Variants in CUX1 observed in about 807,000 individuals in gnomAD.
The protein encoded by CUX1 is cut like homeobox 1.
Under a neutral mutation model 158.8 loss-of-function variants are expected in CUX1, and 31 were observed. That is an observed-to-expected ratio of 0.20 (90% confidence interval 0.15 to 0.26). The LOEUF (loss-of-function observed/expected upper bound fraction) is 0.26, where lower values mean the gene tolerates loss of function less well. Among genes scored for constraint, CUX1 ranks in the 10% least tolerant of loss-of-function variants. The pLI is 1.00. For synonymous variants in CUX1, 879 were observed against 862.1 expected (o/e 1.02, Z -0.34); for missense variants, 1,589 against 2,014.6 (o/e 0.79, Z 4.04).
Position 102,250,077 on chromosome 7 carries a change from AAAG to A in CUX1, c.*1037_*1039del. ...GAAAAAAAAAGAAAAAAAAAAAAGA[AAAG>A]ATCCGAATCTAGGTATTTTATAATC... On this transcript the variant is annotated 3_prime_UTR_variant, in exon 24 of 24. Coordinates refer to ENST00000292535, the MANE Select transcript of CUX1 (RefSeq NM_181552.4). 6.1e-6 allele frequency: 6 copies of A among 985,284 alleles called. No individual in the cohort carries two copies. Among genetic ancestry groups the A allele is most frequent in the African/African-American group, 1.7e-5 (1 of 57,342 alleles). 61.0% of individuals were successfully genotyped at this position (985,284 alleles called of 1,614,324 possible).
intron 20 of CUX1, among the ~76,000 whole-genome samples, chr7:102,209,962 A>G (rs1384219731): frequency 2.6e-5 from 4 of 152,072 alleles, no homozygotes; most frequent in African/African-American, 9.7e-5. Context: ...TCACAGCTCA[A>G]TACAGCCTCA....
rs1193952295 is a variant in CUX1 at position 101,895,902 on chromosome 7, G to GTTTT, written c.31-20211_31-20208dup. On this transcript the variant is annotated intron_variant, in intron 1 of 23. Transcript: ENST00000292535. ...GTATCACCTGTAAAGTTTTTTTTTT[G>GTTTT]TTTTTGTTTTTTTTTTTTTTTTTTG... is the stretch of plus-strand genomic sequence containing the variant. Among the ~76,000 whole-genome samples, 192 of 40,276 alleles carry GTTTT rather than the reference G, an allele frequency of 4.8e-3. 1 individual carries two copies. The highest frequency in any genetic ancestry group is 0.018 in the African/African-American group (140 of 7,776). The allele number at this position is 40,276 out of a possible 152,430, so 26.4% of individuals were successfully genotyped here.
chr7:101,997,854 C>G (rs1193887284), intron 2 of CUX1, among the ~76,000 whole-genome samples: 1 of 152,068 alleles, frequency 6.6e-6, no homozygotes, highest in Admixed American at 6.5e-5. Flanking sequence ...AGAGCTTTCA[C>G]TGTTGGATAA....
chr7:102,051,368 C>T (rs1823472597), intron 3 of CUX1, among the ~76,000 whole-genome samples: 1 of 151,878 alleles, frequency 6.6e-6, no homozygotes, highest in Admixed American at 6.6e-5. Flanking sequence ...AAAAATAGGG[C>T]CGGGCGCAGT....
intron 1 of CUX1, among the ~76,000 whole-genome samples, chr7:101,819,620 A>G (rs1391288926): frequency 6.6e-6 from 1 of 152,036 alleles, no homozygotes; most frequent in East Asian, 1.9e-4. Context: ...CCCATCTAGT[A>G]CCCTTTATAA....
At chr7:102,110,579 G>C (rs1354721159) in intron 6 of CUX1, among the ~76,000 whole-genome samples, 4 of 152,122 alleles carry the variant, frequency 2.6e-5, no homozygotes, top group African/African-American at 9.7e-5. Flanking sequence ...TTACACTATA[G>C]TGTGTTACGT....
chr7:102,179,798 C>T (rs1036449533), intron 11 of CUX1, among the ~76,000 whole-genome samples: 1 of 152,236 alleles, frequency 6.6e-6, no homozygotes, highest in South Asian at 2.1e-4. Flanking sequence ...GGGCTTCAGC[C>T]CCAGGCCAGG....
chr7:102,217,338 GA>G (rs1797332332), intron 20 of CUX1, among the ~76,000 whole-genome samples: 1 of 152,256 alleles, frequency 6.6e-6, no homozygotes, highest in Non-Finnish European at 1.5e-5. Context: ...AGCCCAGAGG[GA>G]AAGTGACTTT....
At chr7:102,098,881 G>T (rs554774957) in intron 5 of CUX1, among the ~76,000 whole-genome samples, 4 of 132,204 alleles carry the variant, frequency 3.0e-5, no homozygotes, top group African/African-American at 1.2e-4. Context: ...GGATGGTCTC[G>T]ATCTCCTGAC....
rs577141037 is a variant in CUX1, at chr7:102,022,439, G to A, written c.142-5659G>A. Among the ~76,000 whole-genome samples the A allele has an allele frequency of 1.1e-3, 171 of 152,096 alleles. 1 individual carries two copies. Among genetic ancestry groups the A allele is most frequent in the African/African-American group, 3.7e-3 (153 of 41,494 alleles). The stretch of plus-strand genomic sequence containing the variant: ...TTGAAATCAGCCTGGGCAACATGGC[G>A]AAACCCCGTCTCTACAAAAAATGCA... On this transcript the variant is annotated intron_variant, in intron 2 of 23. Coordinates refer to ENST00000292535, the MANE Select transcript of CUX1 (RefSeq NM_181552.4).
intron 14 of CUX1, among the ~76,000 whole-genome samples, chr7:102,264,206 G>A (rs868958424): frequency 1.8e-4 from 26 of 147,442 alleles, no homozygotes; most frequent in Admixed American, 1.0e-3. Flanking sequence ...GGGTTTCACC[G>A]TCTTGGCCAG....
chr7:102,036,084 G>C (rs1821393512), intron 3 of CUX1, among the ~76,000 whole-genome samples: 1 of 152,010 alleles, frequency 6.6e-6, no homozygotes, highest in African/African-American at 2.4e-5. Context: ...TTACATTTGT[G>C]TAATCCCAAG....
intron 3 of CUX1, among the ~76,000 whole-genome samples, chr7:102,053,203 T>A (rs1823737611): frequency 6.6e-6 from 1 of 152,222 alleles, no homozygotes; most frequent in Non-Finnish European, 1.5e-5. Flanking sequence ...GTATTGGCAT[T>A]GAGCATCTTT....
chr7:101,883,082 ACT>A (rs1410620092), intron 1 of CUX1, among the ~76,000 whole-genome samples: 1 of 150,216 alleles, frequency 6.7e-6, no homozygotes, highest in Non-Finnish European at 1.5e-5. Context: ...AAACGCTAAC[ACT>A]CTTGGCTCGG....
intron 3 of CUX1, among the ~76,000 whole-genome samples, chr7:102,055,842 G>A (rs6959393): frequency 1.3e-5 from 2 of 152,202 alleles, no homozygotes; most frequent in Non-Finnish European, 2.9e-5. Flanking sequence ...CCAGTCATTA[G>A]TGCAAAGGAA....
chr7:101,887,878 T>C (rs1258328178), intron 1 of CUX1, among the ~76,000 whole-genome samples: 1 of 150,244 alleles, frequency 6.7e-6, no homozygotes, highest in Non-Finnish European at 1.5e-5. Context: ...TAGAAGCTTA[T>C]GATTCATCGG....
At chr7:102,028,866 T>G (rs998996809) in intron 3 of CUX1, among the ~76,000 whole-genome samples, 7 of 152,012 alleles carry the variant, frequency 4.6e-5, no homozygotes, top group Admixed American at 2.0e-4. Flanking sequence ...ATTTATTGAA[T>G]CTCACCTCTT....
In CUX1 at chr7:102,016,358, A is replaced by AC. The variant is rs1212798870; in HGVS notation, c.142-11739dup. Among the ~76,000 whole-genome samples the AC allele has an allele frequency of 2.6e-5, 4 of 152,326 alleles. No individual in the cohort carries two copies. In the South Asian group the frequency reaches 8.3e-4, roughly 32 times the overall value. ...TGACTCATGTCTCACCTGCCACACAACAGAGGCCCAGGAGGCACAGCAGCC... is the reference window on the plus strand; with the variant it reads ...TGACTCATGTCTCACCTGCCACACAACCAGAGGCCCAGGAGGCACAGCAGCC... On this transcript the variant is annotated intron_variant, in intron 2 of 23. Transcript: ENST00000292535.
intron 2 of CUX1, among the ~76,000 whole-genome samples, chr7:101,968,341 G>A (rs1811481712): frequency 6.6e-6 from 1 of 152,148 alleles, no homozygotes; most frequent in Admixed American, 6.5e-5. Context: ...GGGTCCCCTG[G>A]ACAACCCTCT....
Sources: allele counts gnomAD v4.1 joint callset (sites outside exome capture counted in the v4.1 genomes callset), GRCh38; gene constraint gnomAD v4.1.1; transcripts MANE v1.5; gene names NCBI Gene and HGNC (gene_info 2026-07-23, HGNC 2026-07-21).